SLC12A1: variants seen among roughly 807,000 people sequenced by gnomAD.
The protein encoded by SLC12A1 is solute carrier family 12 member 1.
In SLC12A1, 89 loss-of-function variants were observed where a neutral mutation model predicts 130.4. The ratio of observed to expected loss-of-function variants is 0.68; its 90% confidence interval spans 0.58 to 0.81. The LOEUF is 0.81. Ranked by LOEUF, SLC12A1 falls within the 40% of genes least tolerant of loss-of-function variation. The pLI is 0.00. For missense variants in SLC12A1, 1,310 were observed against 1,336.4 expected, an observed-to-expected ratio of 0.98 and a Z score of 0.31; for synonymous variants, 499 against 460.0, an observed-to-expected ratio of 1.08 and a Z score of -1.09.
chr15:48,275,417 C>T (rs2041942081), intron 20 of SLC12A1, among the ~76,000 whole-genome samples: 1 of 152,000 alleles, frequency 6.6e-6, no homozygotes, highest in Non-Finnish European at 1.5e-5. Flanking sequence ...TCTGTCGTGC[C>T]CTCAAGAGAC....
chr15:48,260,346 T>A (rs1490755679), intron 17 of SLC12A1, among the ~76,000 whole-genome samples: 1 of 59,352 alleles, frequency 1.7e-5, no homozygotes, highest in African/African-American at 6.0e-5. Context: ...TCTCTCTCTC[T>A]ATCACACACA....
intron 9 of SLC12A1, among the ~76,000 whole-genome samples, chr15:48,236,131 A>G (rs998619199): frequency 4.0e-5 from 6 of 148,860 alleles, no homozygotes; most frequent in East Asian, 1.9e-4. Context: ...ACACACACAC[A>G]CACGCAAAGT....
intron 16 of SLC12A1, among the ~76,000 whole-genome samples, chr15:48,258,941 G>A (rs1462798428): frequency 6.6e-6 from 1 of 152,108 alleles, no homozygotes; most frequent in Non-Finnish European, 1.5e-5. Context: ...ATTTGGGTGG[G>A]AACACAGCCA....
chr15:48,289,374 G>A (rs2042093488), intron 23 of SLC12A1, among the ~76,000 whole-genome samples: 1 of 128,402 alleles, frequency 7.8e-6, no homozygotes, highest in Non-Finnish European at 1.6e-5. Flanking sequence ...CTCTTAGGAT[G>A]TATTATGCTG....
At chr15:48,271,030 C>A (rs890427742) in intron 19 of SLC12A1, among the ~76,000 whole-genome samples, 2 of 150,866 alleles carry the variant, frequency 1.3e-5, no homozygotes, top group Non-Finnish European at 3.0e-5. Context: ...TCCAGACCAG[C>A]CTGGCCAACA....
At chr15:48,278,927 A>T (rs1383173344) in intron 20 of SLC12A1, among the ~76,000 whole-genome samples, 1 of 152,248 alleles carries the variant, frequency 6.6e-6, no homozygotes, top group Non-Finnish European at 1.5e-5. Flanking sequence ...TAATCCTGGC[A>T]GTGAACTGCA....
intron 23 of SLC12A1, among the ~76,000 whole-genome samples, chr15:48,290,477 C>T (rs1034571320): frequency 8.5e-5 from 13 of 152,166 alleles, no homozygotes; most frequent in Admixed American, 2.0e-4. Flanking sequence ...ATGTACTGTA[C>T]GCAATTGTAT....
At chr15:48,281,761 G>C (rs577531977) in intron 20 of SLC12A1, among the ~76,000 whole-genome samples, 1 of 152,314 alleles carries the variant, frequency 6.6e-6, no homozygotes, top group East Asian at 1.9e-4. Flanking sequence ...TAAAAATGTA[G>C]TCGTGATGGT....
chr15:48,280,851 C>T (rs921431059), intron 20 of SLC12A1, among the ~76,000 whole-genome samples: 4 of 151,840 alleles, frequency 2.6e-5, no homozygotes, highest in Non-Finnish European at 5.9e-5. Context: ...CACACACATA[C>T]ACACACACAC....
chr15:48,245,467 A>G (rs1567319975), intron 11 of SLC12A1, among the ~76,000 whole-genome samples: 1 of 152,158 alleles, frequency 6.6e-6, no homozygotes. Context: ...TTGCCACTCT[A>G]TGTTCATGAG....
At chr15:48,222,769 A>G (rs955692509) in intron 4 of SLC12A1, 3 of 152,180 alleles carry the variant, frequency 2.0e-5, no homozygotes, top group African/African-American at 7.2e-5. Context: ...AGAAACAAAC[A>G]CATCTATTTG....
At chr15:48,219,472 C>T (rs2041171907) in intron 2 of SLC12A1, among the ~76,000 whole-genome samples, 1 of 152,018 alleles carries the variant, frequency 6.6e-6, no homozygotes, top group African/African-American at 2.4e-5. Flanking sequence ...AGGAGAATGA[C>T]TTGAATCCAG....
intron 7 of SLC12A1, among the ~76,000 whole-genome samples, chr15:48,231,335 G>C (rs926865800): frequency 2.0e-5 from 3 of 152,170 alleles, no homozygotes; most frequent in Admixed American, 6.5e-5. Flanking sequence ...TCAATAATAA[G>C]CAAGCAAATA....
Position 48,302,974 on chromosome 15 carries a change from G to T in SLC12A1, c.*89G>T. ...ACTTTATGTTGTAAATCTGATCTAT[G>T]GATATGCAAACCTCTGGAGAGGATC... On this transcript the variant is annotated 3_prime_UTR_variant, in exon 27 of 27. Coordinates refer to ENST00000380993, the MANE Select transcript of SLC12A1 (RefSeq NM_000338.3). 2.9e-6 allele frequency: 3 copies of T among 1,019,280 alleles called. No individual in the cohort carries two copies. Among genetic ancestry groups the T allele is most frequent in the Non-Finnish European group, 1.4e-6 (1 of 696,938 alleles). 63.1% of individuals were successfully genotyped at this position (1,019,280 alleles called of 1,614,324 possible).
At chr15:48,280,775 T>A (rs1157495797) in intron 20 of SLC12A1, among the ~76,000 whole-genome samples, 2 of 152,054 alleles carry the variant, frequency 1.3e-5, no homozygotes, top group Non-Finnish European at 2.9e-5. Context: ...CTGCCCCTTT[T>A]TTATATAACT....
At chr15:48,215,972 A>G (rs983232429) in intron 2 of SLC12A1, among the ~76,000 whole-genome samples, 1 of 152,176 alleles carries the variant, frequency 6.6e-6, no homozygotes, top group Non-Finnish European at 1.5e-5. Flanking sequence ...TGGCTCCTAC[A>G]TGAGAGTAAG....
intron 19 of SLC12A1, among the ~76,000 whole-genome samples, chr15:48,271,944 AAG>A (rs2041903127): frequency 6.6e-6 from 1 of 152,200 alleles, no homozygotes; most frequent in Non-Finnish European, 1.5e-5. Flanking sequence ...GGAGGGGAAA[AAG>A]AGCAAATAGG....
chr15:48,290,375 T>C (rs2042106549), intron 23 of SLC12A1, among the ~76,000 whole-genome samples: 1 of 152,204 alleles, frequency 6.6e-6, no homozygotes, highest in Non-Finnish European at 1.5e-5. Flanking sequence ...CTTTTTTTAA[T>C]AAGTAGAAGG....
Position 48,251,689 on chromosome 15 carries a change from T to C in SLC12A1, c.1861T>C (p.Phe621Leu). 1 of 1,613,696 alleles carries C rather than the reference T, an allele frequency of 6.2e-7. No homozygotes were observed. Among genetic ancestry groups the C allele is most frequent in the Non-Finnish European group, 8.5e-7 (1 of 1,179,596 alleles). ...FGAVLCCAVMFVINWWAAVIT... is the reference protein window; with the variant it reads ...FGAVLCCAVMLVINWWAAVIT... ...AGCTGTTTTGTGCTGTGCAGTCATG[T>C]TTGTCATCAACTGGTGGGCAGCTGT... is the stretch of plus-strand genomic sequence containing the variant. Residue 621 changes from phenylalanine (F) to leucine (L), a missense_variant, in exon 15 of 27, where the codon TTT becomes CTT. Coordinates refer to ENST00000380993, the MANE Select transcript of SLC12A1 (RefSeq NM_000338.3).
Sources: gnomAD v4.1 joint callset for allele counts (sites outside exome capture counted in the v4.1 genomes callset) on GRCh38, gnomAD v4.1.1 for gene constraint, MANE v1.5 for transcripts, NCBI Gene and HGNC (gene_info 2026-07-23, HGNC 2026-07-21) for gene names.